CPA6: variants seen among roughly 807,000 people sequenced by gnomAD.
CPA6 encodes the protein carboxypeptidase A6, also known as carboxypeptidase B.
In CPA6, 58 loss-of-function variants were observed where a neutral mutation model predicts 63.3. That is an observed-to-expected ratio of 0.92 (90% CI 0.74 to 1.14). The LOEUF (loss-of-function observed/expected upper bound fraction) is 1.14. Among genes scored for constraint, CPA6 ranks in the 50% most tolerant of loss-of-function variants. CPA6 has a pLI of 0.00. For missense variants in CPA6, 565 were observed against 526.6 expected (o/e 1.07, Z -0.71); for synonymous variants, 185 against 179.0 (o/e 1.03, Z -0.27).
intron 9 of CPA6, among the ~76,000 whole-genome samples, chr8:67,431,985 G>C (rs1267398854): frequency 6.6e-6 from 1 of 152,140 alleles, no homozygotes; most frequent in African/African-American, 2.4e-5. Flanking sequence ...TTAAATTCAG[G>C]TATAACATTG....
At chr8:67,498,931 A>G (rs184493068) in intron 6 of CPA6, among the ~76,000 whole-genome samples, 1 of 152,346 alleles carries the variant, frequency 6.6e-6, no homozygotes, top group Non-Finnish European at 1.5e-5. Context: ...ATGACTATCA[A>G]CTTAAAAGAC....
At chr8:67,742,790 G>T (rs1817936733) in intron 1 of CPA6, among the ~76,000 whole-genome samples, 1 of 152,156 alleles carries the variant, frequency 6.6e-6, no homozygotes, top group South Asian at 2.1e-4. Context: ...GACCCAGGCA[G>T]TTAAACTTCA....
intron 8 of CPA6, among the ~76,000 whole-genome samples, chr8:67,475,834 TC>T (rs1811187032): frequency 1.3e-5 from 1 of 76,712 alleles, no homozygotes; most frequent in South Asian, 4.7e-4. Flanking sequence ...TTTCTTTCTT[TC>T]TTTCTTTCTT....
intron 1 of CPA6, among the ~76,000 whole-genome samples, chr8:67,626,015 G>C (rs1464704961): frequency 2.0e-5 from 3 of 151,398 alleles, no homozygotes; most frequent in Admixed American, 1.3e-4. Flanking sequence ...TGGTTTAAAA[G>C]TGTATGTCAC....
At chr8:67,498,818 C>G (rs984029335) in intron 6 of CPA6, among the ~76,000 whole-genome samples, 1 of 152,050 alleles carries the variant, frequency 6.6e-6, no homozygotes, top group African/African-American at 2.4e-5. Flanking sequence ...ATTCTACTTA[C>G]ATGATTAAAA....
chr8:67,425,638 T>C (rs1809865616), intron 10 of CPA6, among the ~76,000 whole-genome samples: 2 of 152,206 alleles, frequency 1.3e-5, no homozygotes, highest in Admixed American at 6.5e-5. Flanking sequence ...CCTTCCAAAG[T>C]GCTGGGATTA....
At chr8:67,520,907 C>T (rs1554670476) in intron 2 of CPA6, among the ~76,000 whole-genome samples, 1 of 152,208 alleles carries the variant, frequency 6.6e-6, no homozygotes, top group Non-Finnish European at 1.5e-5. Flanking sequence ...GTAGGTCTCA[C>T]ATTCTGGTCT....
rs544965237 is a variant in CPA6, at chr8:67,669,264, C to G, written c.117-45013G>C. ...GTGCTTTTATTACCAGAGACTGTAACTAGTCCCTTACCTGTATGCTTGTTC... is the reference window on the plus strand; with the variant it reads ...GTGCTTTTATTACCAGAGACTGTAAGTAGTCCCTTACCTGTATGCTTGTTC... On this transcript the variant is annotated intron_variant, in intron 1 of 10. Coordinates refer to ENST00000297770, the MANE Select transcript of CPA6 (RefSeq NM_020361.5). Among the ~76,000 whole-genome samples the G allele has an allele frequency of 2.0e-5, 3 of 152,344 alleles. No homozygotes were observed. In the South Asian group the frequency reaches 6.2e-4, roughly 32 times the overall value.
At chr8:67,558,173 G>T (rs1813112291) in intron 2 of CPA6, among the ~76,000 whole-genome samples, 1 of 152,054 alleles carries the variant, frequency 6.6e-6, no homozygotes, top group Admixed American at 6.5e-5. Context: ...TATGATTTTT[G>T]CCTGGAATGT....
Position 67,546,072 on chromosome 8 carries a change from G to GCTTC in CPA6, c.193-28029_193-28026dup, listed in dbSNP as rs1445127239. ...GTTTCTTTGCTGGAAGGTCTTGCTT[G>GCTTC]CTTCCTTACTATATCCCTCCCACCC... On this transcript the variant is annotated intron_variant, in intron 2 of 10. Transcript: ENST00000297770. Among the ~76,000 whole-genome samples, 5 of 152,240 alleles carry GCTTC rather than the reference G, an allele frequency of 3.3e-5. No homozygotes were observed. The East Asian group carries it at 9.7e-4, about 29-fold the overall frequency.
chr8:67,587,063 G>A (rs1435398255), intron 2 of CPA6, among the ~76,000 whole-genome samples: 2 of 152,234 alleles, frequency 1.3e-5, no homozygotes, highest in Non-Finnish European at 2.9e-5. Context: ...AATACTAGGA[G>A]GATAATGGGT....
intron 2 of CPA6, among the ~76,000 whole-genome samples, chr8:67,590,292 T>A (rs1814080398): frequency 6.6e-6 from 1 of 151,518 alleles, no homozygotes; most frequent in Non-Finnish European, 1.5e-5. Context: ...TCTATCATTG[T>A]TGGACATTTG....
At chr8:67,457,990 A>G (rs1464908601) in intron 8 of CPA6, among the ~76,000 whole-genome samples, 2 of 152,200 alleles carry the variant, frequency 1.3e-5, no homozygotes, top group African/African-American at 4.8e-5. Context: ...TTGTCAGGCA[A>G]TACAATGGAG....
chr8:67,683,826 C>T (rs1037203533), intron 1 of CPA6, among the ~76,000 whole-genome samples: 4 of 151,066 alleles, frequency 2.6e-5, no homozygotes, highest in African/African-American at 9.7e-5. Context: ...TCTTTCTATT[C>T]TTCATATTGG....
intron 8 of CPA6, among the ~76,000 whole-genome samples, chr8:67,475,804 T>C (rs558718888): frequency 1.7e-5 from 1 of 58,804 alleles, no homozygotes; most frequent in Non-Finnish European, 3.2e-5. Flanking sequence ...TTTCTTTCTT[T>C]CTTTCTTTCT....
intron 1 of CPA6, among the ~76,000 whole-genome samples, chr8:67,661,395 G>A (rs1587681061): frequency 6.6e-6 from 1 of 152,190 alleles, no homozygotes; most frequent in African/African-American, 2.4e-5. Context: ...AAGGACTGTG[G>A]CTTTAATCCA....
intron 1 of CPA6, among the ~76,000 whole-genome samples, chr8:67,628,726 T>C (rs1011618925): frequency 2.0e-5 from 3 of 152,376 alleles, no homozygotes; most frequent in Non-Finnish European, 4.4e-5. Flanking sequence ...TCTTGGAAAT[T>C]GTGACTTTAC....
intron 9 of CPA6, among the ~76,000 whole-genome samples, chr8:67,430,619 A>G (rs1477612462): frequency 6.6e-6 from 1 of 152,102 alleles, no homozygotes; most frequent in African/African-American, 2.4e-5. Flanking sequence ...GAGAATTATA[A>G]CCATGATTTT....
At chr8:67,480,638 A>T (rs1189867775) in intron 8 of CPA6, among the ~76,000 whole-genome samples, 1 of 132,290 alleles carries the variant, frequency 7.6e-6, no homozygotes, top group Non-Finnish European at 1.6e-5. Flanking sequence ...ACATTCATGT[A>T]CAAGTCATTA....
Sources: gnomAD v4.1 joint callset for allele counts (sites outside exome capture counted in the v4.1 genomes callset) on GRCh38, gnomAD v4.1.1 for gene constraint, MANE v1.5 for transcripts, NCBI Gene and HGNC (gene_info 2026-07-23, HGNC 2026-07-21) for gene names.